The following TAFA4 variants were observed in gnomAD, a reference collection of about 807,000 sequenced individuals.
The protein encoded by TAFA4 is chemokine-like protein TAFA-4.
In TAFA4, 20 loss-of-function variants were observed where a neutral mutation model predicts 21.1. That is an observed-to-expected ratio of 0.95 (90% confidence interval 0.67 to 1.38). The LOEUF (loss-of-function observed/expected upper bound fraction) is 1.38, where lower values mean the gene tolerates loss of function less well. Among genes scored for constraint, TAFA4 ranks in the 40% most tolerant of loss-of-function variants. The pLI is 0.00. For missense variants in TAFA4, 211 were observed against 180.9 expected (o/e 1.17, Z -0.95); for synonymous variants, 71 against 67.4 (o/e 1.05, Z -0.26).
intron 1 of TAFA4, among the ~76,000 whole-genome samples, chr3:68,907,525 G>A (rs918143330): frequency 6.6e-6 from 1 of 152,212 alleles, no homozygotes; most frequent in Non-Finnish European, 1.5e-5. Flanking sequence ...CCTGGAGAGG[G>A]TGTTGTGATA....
At chr3:68,812,440 C>A (rs1159400718) in intron 3 of TAFA4, among the ~76,000 whole-genome samples, 1 of 152,108 alleles carries the variant, frequency 6.6e-6, no homozygotes, top group Admixed American at 6.5e-5. Flanking sequence ...ATCTCACACA[C>A]AGAGACACAT....
intron 4 of TAFA4, among the ~76,000 whole-genome samples, chr3:68,743,673 A>C (rs1256898233): frequency 1.3e-5 from 2 of 152,114 alleles, no homozygotes; most frequent in Non-Finnish European, 2.9e-5. Context: ...TCACTTTCAA[A>C]GCACTTCTAC....
At chr3:68,788,897 T>G (rs1703311722) in intron 3 of TAFA4, among the ~76,000 whole-genome samples, 1 of 152,196 alleles carries the variant, frequency 6.6e-6, no homozygotes, top group Non-Finnish European at 1.5e-5. Flanking sequence ...GCTCTGGGAT[T>G]ATATATAGGT....
intron 3 of TAFA4, among the ~76,000 whole-genome samples, chr3:68,783,771 G>GAAACAA (rs1703200021): frequency 7.1e-6 from 1 of 141,778 alleles, no homozygotes; most frequent in African/African-American, 2.8e-5. Context: ...CAAAAACAAA[G>GAAACAA]AAACAAAGAA....
At chr3:68,795,253 A>G (rs1156433378) in intron 3 of TAFA4, among the ~76,000 whole-genome samples, 1 of 151,142 alleles carries the variant, frequency 6.6e-6, no homozygotes, top group African/African-American at 2.4e-5. Flanking sequence ...CGCATTCTAG[A>G]TGGAGACAGC....
intron 4 of TAFA4, among the ~76,000 whole-genome samples, chr3:68,745,717 G>T (rs1432071417): frequency 6.6e-6 from 1 of 152,088 alleles, no homozygotes; most frequent in Non-Finnish European, 1.5e-5. Flanking sequence ...ACATCACTCG[G>T]TTAAACAGAA....
chr3:68,920,456 A>G (rs1438789154), intron 1 of TAFA4, among the ~76,000 whole-genome samples: 1 of 152,194 alleles, frequency 6.6e-6, no homozygotes, highest in East Asian at 1.9e-4. Flanking sequence ...TCAAATGATA[A>G]GAGAGAATCT....
chr3:68,740,288 T>A (rs1250371756), intron 4 of TAFA4, among the ~76,000 whole-genome samples: 1 of 152,204 alleles, frequency 6.6e-6, no homozygotes, highest in Non-Finnish European at 1.5e-5. Context: ...ACAATGGTAT[T>A]GCAACTGGTT....
chr3:68,760,379 T>G (rs1013377091), intron 3 of TAFA4, among the ~76,000 whole-genome samples: 1 of 152,302 alleles, frequency 6.6e-6, no homozygotes, highest in East Asian at 1.9e-4. Context: ...AAACCACATC[T>G]GCAATAGAAG....
intron 3 of TAFA4, among the ~76,000 whole-genome samples, chr3:68,773,353 C>T (rs1046773899): frequency 6.6e-6 from 1 of 152,162 alleles, no homozygotes; most frequent in South Asian, 2.1e-4. Context: ...TGTCCATACC[C>T]TCTCCCCTTG....
intron 2 of TAFA4, among the ~76,000 whole-genome samples, chr3:68,883,421 CT>C (rs1332941420): frequency 2.6e-5 from 4 of 152,186 alleles, no homozygotes; most frequent in African/African-American, 9.7e-5. Flanking sequence ...GATAGTCTCT[CT>C]TTTGATTAAC....
At chr3:68,758,531 T>C (rs571222381) in intron 3 of TAFA4, among the ~76,000 whole-genome samples, 7 of 152,320 alleles carry the variant, frequency 4.6e-5, no homozygotes, top group Non-Finnish European at 1.0e-4. Context: ...CCTTCTGCCA[T>C]GATTGTGAGG....
At chr3:68,823,675 C>T (rs1376204851) in intron 3 of TAFA4, among the ~76,000 whole-genome samples, 1 of 152,146 alleles carries the variant, frequency 6.6e-6, no homozygotes, top group Non-Finnish European at 1.5e-5. Flanking sequence ...TTGTTCAGCT[C>T]CCACTTATAA....
intron 3 of TAFA4, among the ~76,000 whole-genome samples, chr3:68,776,977 C>G (rs1338418384): frequency 1.3e-5 from 2 of 151,818 alleles, no homozygotes; most frequent in East Asian, 3.8e-4. Context: ...AAAATGAAAA[C>G]CTTCTTGGAC....
At chr3:68,762,015 G>A (rs894986235) in intron 3 of TAFA4, among the ~76,000 whole-genome samples, 6 of 151,890 alleles carry the variant, frequency 4.0e-5, no homozygotes, top group African/African-American at 1.2e-4. Context: ...GAGAAGTCCA[G>A]ATATTTAAGT....
chr3:68,913,860 A>G (rs1489586192), intron 1 of TAFA4, among the ~76,000 whole-genome samples: 1 of 152,234 alleles, frequency 6.6e-6, no homozygotes, highest in African/African-American at 2.4e-5. Flanking sequence ...TTCCTCACCT[A>G]TAAAATGAAG....
Position 68,734,437 on chromosome 3 carries a change from G to A in TAFA4, c.412-1284C>T, listed in dbSNP as rs553822311. Among the ~76,000 whole-genome samples the A allele has an allele frequency of 1.3e-4, 20 of 151,648 alleles. No homozygotes were observed. In the South Asian group the frequency reaches 3.7e-3, roughly 28 times the overall value. On this transcript the variant is annotated intron_variant, in intron 5 of 5. Coordinates refer to ENST00000295569, the MANE Select transcript of TAFA4 (RefSeq NM_182522.5). ...GCTGAGGCAGGGAGGGTAGAGGGCC[G>A]CTCTTCTATACAGGATGTCAAGGAA...
intron 3 of TAFA4, among the ~76,000 whole-genome samples, chr3:68,818,112 T>C (rs894198846): frequency 6.6e-6 from 1 of 152,216 alleles, no homozygotes; most frequent in African/African-American, 2.4e-5. Flanking sequence ...CTTAGCTAGA[T>C]CTTCTGGATA....
intron 3 of TAFA4, among the ~76,000 whole-genome samples, chr3:68,761,391 A>G (rs1312524988): frequency 6.6e-6 from 1 of 152,250 alleles, no homozygotes; most frequent in African/African-American, 2.4e-5. Context: ...GTGACAGGAA[A>G]AACACAAAGC....
Sources: allele counts gnomAD v4.1 joint callset (sites outside exome capture counted in the v4.1 genomes callset), GRCh38; gene constraint gnomAD v4.1.1; transcripts MANE v1.5; gene names NCBI Gene and HGNC (gene_info 2026-07-23, HGNC 2026-07-21).